The following BMAL1 variants were observed in gnomAD, a reference collection of about 807,000 sequenced individuals.
BMAL1 encodes basic helix-loop-helix ARNT-like protein 1.
At chr11:13,372,025 A>C in the BMAL1 span, 1 of 1,204,524 alleles carries the variant, frequency 8.3e-7, no homozygotes, top group East Asian at 2.3e-5. Context: ...CTTTCATTAG[A>C]TGCTTACTTC....
At chr11:13,352,617 G>C in the BMAL1 span, among the ~76,000 whole-genome samples, 1 of 152,222 alleles carries the variant, frequency 6.6e-6, no homozygotes, top group Non-Finnish European at 1.5e-5. Context: ...TGACCTGTCA[G>C]TCCCACCTTT....
chr11:13,384,165 A>C, the BMAL1 span, among the ~76,000 whole-genome samples: 2 of 152,154 alleles, frequency 1.3e-5, no homozygotes, highest in Non-Finnish European at 2.9e-5. Context: ...AAAATGACTG[A>C]CATTTGTTGC....
the BMAL1 span, among the ~76,000 whole-genome samples, chr11:13,284,158 ATGT>A: frequency 2.4e-5 from 1 of 41,118 alleles, no homozygotes; most frequent in Admixed American, 2.5e-4. Flanking sequence ...ATATATATAT[ATGT>A]GTGTATATAT....
the BMAL1 span, among the ~76,000 whole-genome samples, chr11:13,359,290 G>A: frequency 6.6e-6 from 1 of 152,168 alleles, no homozygotes; most frequent in South Asian, 2.1e-4. Flanking sequence ...GACTTTTGGA[G>A]GAAATTGGAA....
the BMAL1 span, among the ~76,000 whole-genome samples, chr11:13,312,069 A>T: frequency 2.0e-5 from 3 of 152,164 alleles, no homozygotes; most frequent in Non-Finnish European, 4.4e-5. Flanking sequence ...GGTTTGTGTG[A>T]ATATAGCAGT....
the BMAL1 span, among the ~76,000 whole-genome samples, chr11:13,330,783 T>C: frequency 1.3e-5 from 2 of 152,280 alleles, no homozygotes; most frequent in Non-Finnish European, 2.9e-5. Context: ...ATAGCCACTT[T>C]AGAGTTTTCA....
chr11:13,342,816 G>A, the BMAL1 span, among the ~76,000 whole-genome samples: 1 of 152,186 alleles, frequency 6.6e-6, no homozygotes, highest in Non-Finnish European at 1.5e-5. Context: ...CTTTAGATGG[G>A]ACTGGCCTGT....
At chr11:13,327,246 T>A in the BMAL1 span, among the ~76,000 whole-genome samples, 1 of 146,408 alleles carries the variant, frequency 6.8e-6, no homozygotes, top group South Asian at 2.2e-4. Context: ...AAAAAAAAAA[T>A]TAAGAAAAAT....
chr11:13,341,385 C>T, the BMAL1 span, among the ~76,000 whole-genome samples: 4 of 152,360 alleles, frequency 2.6e-5, no homozygotes, highest in East Asian at 7.7e-4. Context: ...TTCCTTTTCT[C>T]TGCTGTTGAA....
chr11:13,335,500 A>G, the BMAL1 span, among the ~76,000 whole-genome samples: 1 of 152,148 alleles, frequency 6.6e-6, no homozygotes, highest in Non-Finnish European at 1.5e-5. Flanking sequence ...CGAGGCTTTT[A>G]CTGGGGGAAG....
chr11:13,368,481 A>C, the BMAL1 span, among the ~76,000 whole-genome samples: 1 of 152,214 alleles, frequency 6.6e-6, no homozygotes, highest in African/African-American at 2.4e-5. Flanking sequence ...GTGGGGACAC[A>C]GTGAAGAGCT....
At chr11:13,277,623 CG>C in the BMAL1 span, 5 of 143,752 alleles carry the variant, frequency 3.5e-5, no homozygotes, top group African/African-American at 1.3e-4. Context: ...GGGCGGCCGC[CG>C]GGACCGGCTC....
the BMAL1 span, among the ~76,000 whole-genome samples, chr11:13,313,840 C>T: frequency 3.3e-5 from 5 of 152,156 alleles, no homozygotes; most frequent in Admixed American, 6.5e-5. Flanking sequence ...TTCAGCGGGG[C>T]CTGCAGTCTT....
At chr11:13,374,149 T>C in the BMAL1 span, 13 of 1,614,042 alleles carry the variant, frequency 8.1e-6, no homozygotes, top group South Asian at 1.1e-4. Flanking sequence ...CATCGTGTTA[T>C]GAATATTTTC....
At chr11:13,284,757 C>G in the BMAL1 span, among the ~76,000 whole-genome samples, 1 of 152,138 alleles carries the variant, frequency 6.6e-6, no homozygotes, top group Non-Finnish European at 1.5e-5. Context: ...CTGCTCTGCT[C>G]AACTCCTTTC....
the BMAL1 span, among the ~76,000 whole-genome samples, chr11:13,296,204 A>G: frequency 6.6e-6 from 1 of 152,016 alleles, no homozygotes; most frequent in African/African-American, 2.4e-5. Context: ...CCCTCACTCC[A>G]TGGAGACTCA....
At chr11:13,304,037 A>T in the BMAL1 span, among the ~76,000 whole-genome samples, 1 of 151,914 alleles carries the variant, frequency 6.6e-6, no homozygotes, top group African/African-American at 2.4e-5. Context: ...GAGGGCATGG[A>T]GTTGTGGGGG....
the BMAL1 span, among the ~76,000 whole-genome samples, chr11:13,299,900 G>C: frequency 3.3e-5 from 5 of 152,332 alleles, no homozygotes; most frequent in East Asian, 9.6e-4. Context: ...TGGGCCTTCA[G>C]GTGGGAGCCT....
At chr11:13,332,641 A>G in the BMAL1 span, among the ~76,000 whole-genome samples, 1 of 152,158 alleles carries the variant, frequency 6.6e-6, no homozygotes, top group South Asian at 2.1e-4. Flanking sequence ...CTCTGAACCA[A>G]TTTTCAAAAG....
Sources: gnomAD v4.1 joint callset for allele counts (sites outside exome capture counted in the v4.1 genomes callset) on GRCh38, gnomAD v4.1.1 for gene constraint, MANE v1.5 for transcripts, NCBI Gene and HGNC (gene_info 2026-07-23, HGNC 2026-07-21) for gene names.